Variants in KLHL35 observed in about 807,000 individuals in gnomAD.
The protein encoded by KLHL35 is kelch-like protein 35.
Under a neutral mutation model 44.0 loss-of-function variants are expected in KLHL35, and 50 were observed. The observed-to-expected ratio is 1.14, with a 90% CI of 0.91 to 1.44. The LOEUF is 1.44. Ranked by LOEUF, KLHL35 falls within the 40% of genes most tolerant of loss-of-function variation. The pLI, the probability that KLHL35 is intolerant of heterozygous loss-of-function variation, is 0.00. For missense variants in KLHL35, 1,049 were observed against 887.8 expected, an observed-to-expected ratio of 1.18 and a Z score of -2.31; for synonymous variants, 470 against 410.4, an observed-to-expected ratio of 1.15 and a Z score of -1.76.
chr11:75,430,580 G>T lies in KLHL35; in HGVS notation c.50C>A (p.Pro17Gln). ...PEESEPGCEA[P>Q]CAGPCHAQRV... ...CTGCGCGTGGCACGGACCCGCGCAC[G>T]GCGCTTCGCAGCCCGGCTCCGACTC... The change falls in exon 2 of 7, where the codon CCG (proline) becomes CAG (glutamine). Residue 17 changes from proline (P) to glutamine (Q), a missense_variant. Coordinates refer to ENST00000539798, the MANE Select transcript of KLHL35 (RefSeq NM_001039548.3). 6.9e-7 allele frequency: 1 copy of T among 1,445,526 alleles called. No individual in the cohort carries two copies. Among genetic ancestry groups the T allele is most frequent in the Non-Finnish European group, 9.1e-7 (1 of 1,104,586 alleles). 89.5% of individuals were successfully genotyped at this position (1,445,526 alleles called of 1,614,324 possible). A position where few individuals can be genotyped will look rare whatever the true frequency, so the allele number is the denominator to read the frequency against.
intron 1 of KLHL35, among the ~76,000 whole-genome samples, chr11:75,432,613 T>C (rs1948546569): frequency 6.6e-6 from 1 of 152,104 alleles, no homozygotes; most frequent in African/African-American, 2.4e-5. Context: ...CACAAGCAGC[T>C]CCCTGGGGGA....
In KLHL35 at chr11:75,429,894, G is replaced by T; in HGVS notation, c.736C>A (p.Leu246Ile). 5 of 1,512,488 alleles carry T rather than the reference G, an allele frequency of 3.3e-6. No individual in the cohort carries two copies. The highest frequency in any genetic ancestry group is 1.9e-4 in the Middle Eastern group (1 of 5,172). The allele number at this position is 1,512,488 out of a possible 1,614,324, so 93.7% of individuals were successfully genotyped here. The stretch of plus-strand genomic sequence containing the variant: ...TCCAGGAAGTAAGCGGGCGCCAGTA[G>T]CGGCAGGCGCACGTGCTCCAGCAGG... The part of the protein sequence containing the change: ...RRLLEHVRLP[L>I]LAPAYFLEKV... The change falls in exon 2 of 7, where the codon CTA becomes ATA. Residue 246 changes from leucine (L) to isoleucine (I), a missense_variant. Transcript: ENST00000539798.
rs1280724421 is a variant in KLHL35 at position 75,429,783 on chromosome 11, G to A, written c.847C>T (p.Arg283Cys). The A allele has an allele frequency of 6.6e-7, 1 of 1,503,822 alleles. No homozygotes were observed. Among genetic ancestry groups the A allele is most frequent in the Non-Finnish European group, 8.8e-7 (1 of 1,132,184 alleles). The allele number at this position is 1,503,822 out of a possible 1,614,324, so 93.2% of individuals were successfully genotyped here. Residue 283 changes from arginine (R) to cysteine (C), a missense_variant, in exon 2 of 7, where the codon CGC becomes TGC. By Grantham distance (180) the Arg-to-Cys change is radical. Coordinates refer to ENST00000539798, the MANE Select transcript of KLHL35 (RefSeq NM_001039548.3). ...CGGGTCCGCAGCGCACCGGCCTCGC[G>A]GCCCAGGATGAAGCAGGCGCGAGCC... ...LEARACFILG[R>C]EAGALRTRPR... is the part of the protein sequence containing the mutation.
chr11:75,429,585 G>T (rs982335800), intron 2 of KLHL35, among the ~76,000 whole-genome samples, 164 bp downstream of exon 2: 1 of 152,248 alleles, frequency 6.6e-6, no homozygotes, highest in Non-Finnish European at 1.5e-5. Flanking sequence ...TCACTGGCTT[G>T]TTAACTCTTC....
chr11:75,425,533 C>A lies in KLHL35; in HGVS notation c.1234G>T (p.Glu412Ter). Residue 412 changes from glutamate to a stop codon, truncating the protein, a stop_gained, in exon 5 of 7, where the codon GAG (glutamate) becomes TAG (stop). Transcript: ENST00000539798. LOFTEE classifies it high-confidence loss of function. ...GTGTTGGAGAAGGGGTCGTAGCGCTCCACGCTGTGCAGGCGCCTCAGGCCG... is the reference window on the plus strand; with the variant it reads ...GTGTTGGAGAAGGGGTCGTAGCGCTACACGCTGTGCAGGCGCCTCAGGCCG... ...FDGLRRLHSV[E>*]RYDPFSNTWA... is the part of the protein sequence containing the mutation. 1 of 1,530,106 alleles carries A rather than the reference C, an allele frequency of 6.5e-7. No homozygotes were observed. The highest frequency in any genetic ancestry group is 2.4e-5 in the East Asian group (1 of 41,388). 94.8% of individuals were successfully genotyped at this position (1,530,106 alleles called of 1,614,324 possible).
In KLHL35 at chr11:75,430,490, G is replaced by T. The variant is rs1302416652; in HGVS notation, c.140C>A (p.Ala47Asp). The T allele has an allele frequency of 7.1e-7, 1 of 1,408,684 alleles. No homozygotes were observed. The highest frequency in any genetic ancestry group is 3.1e-5 in the Admixed American group (1 of 32,490). 87.3% of individuals were successfully genotyped at this position (1,408,684 alleles called of 1,614,324 possible). Reference sequence around the variant, plus strand: ...GTGGCACGGAAAGTCGCGCCCGCCGGCGCGCAGCACCACGTCGGTGAGGGT... The same window carrying T: ...GTGGCACGGAAAGTCGCGCCCGCCGTCGCGCAGCACCACGTCGGTGAGGGT... Reference protein sequence around the residue: ...SGTLTDVVLRAGGRDFPCHRA... With the variant: ...SGTLTDVVLRDGGRDFPCHRA... Residue 47 changes from alanine to aspartate, a missense_variant, in exon 2 of 7, where the codon GCC becomes GAC. Ala to Asp is a moderately radical substitution (Grantham distance 126). Coordinates refer to ENST00000539798, the MANE Select transcript of KLHL35 (RefSeq NM_001039548.3).
chr11:75,425,483 C>T lies in KLHL35; in HGVS notation c.1284G>A (p.Pro428=), dbSNP rs752690647. 55 of 1,568,882 alleles carry T rather than the reference C, an allele frequency of 3.5e-5. No homozygotes were observed. Among genetic ancestry groups the T allele is most frequent in the African/African-American group, 6.9e-5 (5 of 72,612 alleles). ...SNTWAAAAPL[P]EAVSSAAVAS... is the part of the protein sequence containing the mutation. ...CCACCGCCGCCGAGCTCACGGCCTC[C>T]GGGAGGGGCGCGGCGGCCGCCCAGG... is the stretch of plus-strand genomic sequence containing the variant. Residue 428 remains proline, a synonymous_variant, in exon 5 of 7, where the codon CCG becomes CCA. Coordinates refer to ENST00000539798, the MANE Select transcript of KLHL35 (RefSeq NM_001039548.3).
chr11:75,429,686 G>A, intron 2 of KLHL35, 63 bp downstream of exon 2: 2 of 1,388,482 alleles, frequency 1.4e-6, no homozygotes, highest in Non-Finnish European at 1.9e-6. Context: ...ATGAAAGAAT[G>A]AATGAGCGGT....
At position 75,430,519 on chromosome 11, in the gene KLHL35, GCTCCGC is replaced by G. The variant is rs1480096521; in HGVS notation, c.105_110del (p.Arg36_Ser37del). 4.8e-6 allele frequency: 7 copies of G among 1,446,524 alleles called. No homozygotes were observed. Among genetic ancestry groups the G allele is most frequent in the Non-Finnish European group, 6.3e-6 (7 of 1,104,180 alleles). The allele number at this position is 1,446,524 out of a possible 1,614,324, so 89.6% of individuals were successfully genotyped here. ...GCAGCACCACGTCGGTGAGGGTGCC[GCTCCGC>G]CGGTAGGCGTTCAGGGCCTGCAGCA... On this transcript the variant is annotated inframe_deletion, in exon 2 of 7. Coordinates refer to ENST00000539798, the MANE Select transcript of KLHL35 (RefSeq NM_001039548.3).
intron 6 of KLHL35, 78 bp from the exon 7 acceptor site, chr11:75,422,846 T>C (rs1338200541): frequency 3.0e-6 from 4 of 1,353,762 alleles, no homozygotes; most frequent in Admixed American, 1.7e-5. Flanking sequence ...GGCCAGATAA[T>C]AGAACCTTGA....
intron 2 of KLHL35, 48 bp from the exon 3 acceptor site, chr11:75,428,674 G>A (rs1948510936): frequency 7.3e-6 from 11 of 1,500,378 alleles, no homozygotes; most frequent in Non-Finnish European, 9.9e-6. Context: ...CCCAAGTTCG[G>A]CCCTCTCTTA....
At position 75,422,878 on chromosome 11, in the gene KLHL35, A is replaced by G. The variant is rs373981753; in HGVS notation, c.1564-110T>C. 367 of 979,242 alleles carry G rather than the reference A, an allele frequency of 3.7e-4. 2 individuals are homozygous for G. The African/African-American group carries it at 5.1e-3, about 14-fold the overall frequency. 60.7% of individuals were successfully genotyped at this position (979,242 alleles called of 1,614,324 possible). ...TTGACCCACAGACTGTGAACAGGCA[A>G]TCTGGACTGTAGAGAGGCAGGAAAC... On this transcript the variant is annotated intron_variant, in intron 6 of 6. Coordinates refer to ENST00000539798, the MANE Select transcript of KLHL35 (RefSeq NM_001039548.3).
At chr11:75,424,031 G>A in intron 5 of KLHL35, 151 bp from the exon 6 acceptor site, 2 of 628,638 alleles carry the variant, frequency 3.2e-6, no homozygotes, top group Non-Finnish European at 5.5e-6. Flanking sequence ...CTGGGAGGGA[G>A]GGGGAGGTCC....
chr11:75,428,350 C>T, intron 3 of KLHL35, 92 bp downstream of exon 3: 1 of 1,430,648 alleles, frequency 7.0e-7, no homozygotes, highest in Admixed American at 2.1e-5. Context: ...CATCCCGCCC[C>T]TCTCTCCCGA....
Position 75,422,586 on chromosome 11 carries a change from G to A in KLHL35, c.1746C>T (p.Gly582=). The A allele has an allele frequency of 6.2e-7, 1 of 1,611,470 alleles. No homozygotes were observed. ...HGCVTIIQSL[G]R ...CAGGCTGTCCAAATCTGAATCACCTGCCCAAGCTCTGGATGATGGTGACAC... is the reference window on the plus strand; with the variant it reads ...CAGGCTGTCCAAATCTGAATCACCTACCCAAGCTCTGGATGATGGTGACAC... Residue 582 remains glycine (G), a synonymous_variant, in exon 7 of 7, where the codon GGC becomes GGT. Transcript: ENST00000539798.
At chr11:75,430,684 G>C in intron 1 of KLHL35, 54 bp from the exon 2 acceptor site, 4 of 1,280,560 alleles carry the variant, frequency 3.1e-6, no homozygotes, top group Non-Finnish European at 4.0e-6. Context: ...CTGCGCCCGG[G>C]AGAGGCGACA....
At chr11:75,431,034 C>T (rs765133868) in intron 1 of KLHL35, among the ~76,000 whole-genome samples, 1 of 152,204 alleles carries the variant, frequency 6.6e-6, no homozygotes, top group Non-Finnish European at 1.5e-5. Flanking sequence ...TTGGCCGCCC[C>T]GGGGTCTGTA....
chr11:75,423,968 G>A, intron 5 of KLHL35, 88 bp from the exon 6 acceptor site: 7 of 1,075,454 alleles, frequency 6.5e-6, no homozygotes, highest in African/African-American at 1.6e-5. Flanking sequence ...CTCCCCCCGG[G>A]GGCACTCATT....
intron 3 of KLHL35, among the ~76,000 whole-genome samples, 152 bp downstream of exon 3, chr11:75,428,290 G>A (rs1380523965): frequency 3.3e-5 from 5 of 152,246 alleles, no homozygotes; most frequent in Non-Finnish European, 7.3e-5. Flanking sequence ...CGGGTCACAC[G>A]CGTAGTTAGC....
Sources: gnomAD v4.1 joint callset for allele counts (sites outside exome capture counted in the v4.1 genomes callset) on GRCh38, gnomAD v4.1.1 for gene constraint, MANE v1.5 for transcripts, NCBI Gene and HGNC (gene_info 2026-07-23, HGNC 2026-07-21) for gene names.